ANO3: variants seen among roughly 807,000 people sequenced by gnomAD.
ANO3 encodes anoctamin 3.
A neutral mutation model predicts 144.8 loss-of-function variants in ANO3; 99 were observed. The ratio of observed to expected loss-of-function variants is 0.68; its 90% CI spans 0.58 to 0.81. The LOEUF is 0.81. ANO3 is among the 30% of genes least tolerant of loss of function. ANO3 has a pLI of 0.00. For synonymous variants in ANO3, 414 were observed against 392.6 expected (o/e 1.05, Z -0.64); for missense variants, 905 against 1,202.2 (o/e 0.75, Z 3.66).
At chr11:26,397,385 T>C (rs1283441851) in intron 1 of ANO3, among the ~76,000 whole-genome samples, 7 of 152,112 alleles carry the variant, frequency 4.6e-5, no homozygotes, top group Admixed American at 2.0e-4. Flanking sequence ...TTTCCTCTTA[T>C]ACAAATGAAA....
At chr11:26,644,147 G>A (rs557809684) in intron 23 of ANO3, among the ~76,000 whole-genome samples, 33 of 152,206 alleles carry the variant, frequency 2.2e-4, no homozygotes, top group South Asian at 1.7e-3. Flanking sequence ...CCTTCCAACC[G>A]TAACAAAACT....
intron 4 of ANO3, among the ~76,000 whole-genome samples, chr11:26,493,754 C>G (rs546904251): frequency 6.6e-6 from 1 of 152,216 alleles, no homozygotes; most frequent in African/African-American, 2.4e-5. Flanking sequence ...CTTGGCCTTC[C>G]TTTCTCCTCC....
intron 1 of ANO3, among the ~76,000 whole-genome samples, chr11:26,279,389 G>A (rs1257346541): frequency 6.6e-6 from 1 of 152,114 alleles, no homozygotes; most frequent in East Asian, 1.9e-4. Flanking sequence ...AGTCCATGAA[G>A]TGAAAGTTTG....
intron 1 of ANO3, among the ~76,000 whole-genome samples, chr11:26,311,474 A>C (rs1174064497): frequency 6.6e-6 from 1 of 152,206 alleles, no homozygotes; most frequent in Non-Finnish European, 1.5e-5. Flanking sequence ...ATTGACTATG[A>C]AATTTAGGAT....
At chr11:26,214,107 A>G (rs1476325427) in intron 1 of ANO3, among the ~76,000 whole-genome samples, 1 of 152,012 alleles carries the variant, frequency 6.6e-6, no homozygotes, top group Non-Finnish European at 1.5e-5. Flanking sequence ...ACTGATTTCC[A>G]AATATTTTTC....
At chr11:26,364,623 A>G (rs1856013003) in intron 1 of ANO3, among the ~76,000 whole-genome samples, 1 of 152,150 alleles carries the variant, frequency 6.6e-6, no homozygotes, top group African/African-American at 2.4e-5. Context: ...AAGCAAGACC[A>G]AGAGAGAGAG....
rs1208650902 is a variant in ANO3, at chr11:26,598,953, C to A, written c.1626C>A (p.Asp542Glu). The change falls in exon 16 of 27, where the codon GAC (aspartate) becomes GAA (glutamate). Residue 542 changes from aspartate to glutamate, a missense_variant. Physicochemically the swap from Asp to Glu is conservative, Grantham distance 45. Around this residue, in one of 4 missense-constraint regions of ANO3, gnomAD observed 597 missense variants for 865.1 expected, o/e 0.69. Transcript: ENST00000256737. ...GKPEPHQPSS[D>E]KVTRLLVSVS... ...CTGAACCACATCAGCCTTCCTCAGA[C>A]AAAGTCACTCGTCTTCTTGTTTCTG... 6.2e-7 allele frequency: 1 copy of A among 1,613,998 alleles called. No individual in the cohort carries two copies. Among genetic ancestry groups the A allele is most frequent in the Non-Finnish European group, 8.5e-7 (1 of 1,179,938 alleles).
intron 6 of ANO3, among the ~76,000 whole-genome samples, chr11:26,519,457 C>T (rs1356439406): frequency 6.6e-6 from 1 of 152,168 alleles, no homozygotes; most frequent in Admixed American, 6.5e-5. Flanking sequence ...AATACAACCT[C>T]AGTGTCTTGA....
intron 14 of ANO3, among the ~76,000 whole-genome samples, chr11:26,576,223 C>G (rs560470069): frequency 6.6e-6 from 1 of 152,254 alleles, no homozygotes; most frequent in East Asian, 1.9e-4. Context: ...GGATAATTGC[C>G]ATCACGTTTC....
intron 1 of ANO3, among the ~76,000 whole-genome samples, chr11:26,247,212 AT>A (rs2133816366): frequency 6.6e-6 from 1 of 152,222 alleles, no homozygotes; most frequent in East Asian, 1.9e-4. Context: ...GTGTAGTTTA[AT>A]TTTTACGTGT....
At chr11:26,252,525 C>T (rs1342361442) in intron 1 of ANO3, among the ~76,000 whole-genome samples, 1 of 152,120 alleles carries the variant, frequency 6.6e-6, no homozygotes, top group Non-Finnish European at 1.5e-5. Context: ...TTCATCACCT[C>T]CTGTAGAAAA....
At chr11:26,600,743 A>G (rs1851780368) in intron 17 of ANO3, among the ~76,000 whole-genome samples, 2 of 150,120 alleles carry the variant, frequency 1.3e-5, no homozygotes, top group Admixed American at 6.7e-5. Context: ...TAACTATACC[A>G]TTTTGTCATA....
intron 17 of ANO3, among the ~76,000 whole-genome samples, chr11:26,612,633 T>C (rs1407049772): frequency 6.6e-6 from 1 of 152,010 alleles, no homozygotes; most frequent in Non-Finnish European, 1.5e-5. Context: ...ATTATATTCT[T>C]TTTGTTTCCA....
chr11:26,613,750 G>T (rs1011626542), intron 17 of ANO3, among the ~76,000 whole-genome samples: 1 of 151,982 alleles, frequency 6.6e-6, no homozygotes, highest in Non-Finnish European at 1.5e-5. Flanking sequence ...ATACTTGTCA[G>T]TGATGTCTGT....
intron 1 of ANO3, among the ~76,000 whole-genome samples, chr11:26,438,991 T>TCTATATG (rs1858412864): frequency 6.6e-6 from 1 of 151,912 alleles, no homozygotes; most frequent in African/African-American, 2.4e-5. Flanking sequence ...AATGGACATA[T>TCTATATG]AGATTGGTGG....
At chr11:26,356,533 A>G (rs1481636549) in intron 1 of ANO3, among the ~76,000 whole-genome samples, 4 of 152,182 alleles carry the variant, frequency 2.6e-5, no homozygotes, top group Non-Finnish European at 4.4e-5. Flanking sequence ...TATTTCACTC[A>G]ATATAATGCT....
At chr11:26,461,127 C>T (rs1340201043) in intron 3 of ANO3, among the ~76,000 whole-genome samples, 3 of 152,012 alleles carry the variant, frequency 2.0e-5, no homozygotes, top group East Asian at 3.9e-4. Flanking sequence ...CGAGCGAGCG[C>T]GAGAGTGCCT....
At chr11:26,284,349 G>A (rs1313145781) in intron 1 of ANO3, among the ~76,000 whole-genome samples, 1 of 152,132 alleles carries the variant, frequency 6.6e-6, no homozygotes, top group Non-Finnish European at 1.5e-5. Flanking sequence ...TGGGTTGAAC[G>A]GGAAGCAAAG....
chr11:26,195,738 T>C (rs143697793), intron 1 of ANO3, among the ~76,000 whole-genome samples: 1 of 152,304 alleles, frequency 6.6e-6, no homozygotes, highest in African/African-American at 2.4e-5. Flanking sequence ...GTCTTCTTAC[T>C]CCCAAGGGTC....
Sources: allele counts gnomAD v4.1 joint callset (sites outside exome capture counted in the v4.1 genomes callset), GRCh38; gene constraint gnomAD v4.1.1; regional missense constraint gnomAD v4.1.1; transcripts MANE v1.5; gene names NCBI Gene and HGNC (gene_info 2026-07-23, HGNC 2026-07-21).